The following PTK2 variants were observed in gnomAD, a reference collection of about 807,000 sequenced individuals.
PTK2 encodes the protein protein tyrosine kinase 2.
PTK2 carries 45 observed loss-of-function variants against 150.1 expected under a neutral mutation model. The observed-to-expected ratio is 0.30, with a 90% CI of 0.24 to 0.38. The LOEUF (loss-of-function observed/expected upper bound fraction) is 0.38, where lower values mean the gene tolerates loss of function less well. PTK2 is among the 10% of genes least tolerant of loss of function. PTK2 has a pLI of 1.00. For synonymous variants in PTK2, 432 were observed against 449.2 expected, an observed-to-expected ratio of 0.96 and a Z score of 0.48; for missense variants, 919 against 1,307.3, an observed-to-expected ratio of 0.70 and a Z score of 4.58.
intron 5 of PTK2, among the ~76,000 whole-genome samples, chr8:140,848,223 A>G (rs1331849802): frequency 3.9e-5 from 6 of 152,232 alleles, no homozygotes. Flanking sequence ...GATAAAACAC[A>G]TCAGATGAGC....
At position 140,696,599 on chromosome 8, in the gene PTK2, G is replaced by A. The variant is rs1422605129; in HGVS notation, c.2499+4292C>T. Among the ~76,000 whole-genome samples the A allele has an allele frequency of 5.3e-5, 8 of 152,008 alleles. No homozygotes were observed. In the East Asian group the frequency reaches 5.8e-4, roughly 11 times the overall value. On this transcript the variant is annotated intron_variant, in intron 26 of 31. Coordinates refer to ENST00000522684, the Ensembl canonical transcript of PTK2. ...GAAACCCTGGTGTAGGGAATGTGTC[G>A]TCCTTGAGATGACACAAAAATAATC...
intron 7 of PTK2, among the ~76,000 whole-genome samples, chr8:140,838,986 CA>C: frequency 7.0e-6 from 1 of 143,608 alleles, no homozygotes; most frequent in African/African-American, 2.6e-5. Flanking sequence ...AGCCTGGGCA[CA>C]GAGTGAGACT....
intron 1 of PTK2, among the ~76,000 whole-genome samples, chr8:140,956,365 A>G (rs1371969811): frequency 6.6e-6 from 1 of 152,216 alleles, no homozygotes; most frequent in African/African-American, 2.4e-5. Context: ...CTTGGGGGAA[A>G]TAATACATTA....
chr8:140,716,424 G>C (rs1049633445), intron 23 of PTK2, among the ~76,000 whole-genome samples: 1 of 152,178 alleles, frequency 6.6e-6, no homozygotes. Flanking sequence ...ACAGAGAAAC[G>C]ACAGGTGTTC....
chr8:140,733,794 G>A (rs1464833395), intron 22 of PTK2, among the ~76,000 whole-genome samples: 1 of 152,150 alleles, frequency 6.6e-6, no homozygotes, highest in Admixed American at 6.5e-5. Flanking sequence ...TTGTTCTATG[G>A]GGCCTTGAAA....
chr8:140,883,097 C>G (rs2100150137), intron 3 of PTK2, among the ~76,000 whole-genome samples: 1 of 152,156 alleles, frequency 6.6e-6, no homozygotes, highest in Non-Finnish European at 1.5e-5. Flanking sequence ...CATTTAGCCA[C>G]TTACCTTTTA....
At chr8:140,902,154 C>T (rs2100158743) in intron 2 of PTK2, among the ~76,000 whole-genome samples, 1 of 152,020 alleles carries the variant, frequency 6.6e-6, no homozygotes, top group South Asian at 2.1e-4. Flanking sequence ...CTGCCTCAGC[C>T]TCCTGGGTAG....
At chr8:140,912,043 G>A (rs973563086) in intron 2 of PTK2, among the ~76,000 whole-genome samples, 1 of 151,942 alleles carries the variant, frequency 6.6e-6, no homozygotes, top group Non-Finnish European at 1.5e-5. Context: ...GAACAGCCTA[G>A]GCAACAAAAC....
intron 15 of PTK2, among the ~76,000 whole-genome samples, chr8:140,761,762 G>C (rs1346290325): frequency 6.6e-6 from 1 of 151,986 alleles, no homozygotes; most frequent in Non-Finnish European, 1.5e-5. Context: ...TCCACTTTAT[G>C]ATAATCCTAT....
intron 15 of PTK2, among the ~76,000 whole-genome samples, chr8:140,763,029 G>C (rs1166617876): frequency 6.6e-6 from 1 of 152,142 alleles, no homozygotes; most frequent in Non-Finnish European, 1.5e-5. Context: ...CAATTCTCCT[G>C]CCTCTGTCTC....
chr8:140,908,485 G>A (rs1467514316), intron 2 of PTK2, among the ~76,000 whole-genome samples: 1 of 152,236 alleles, frequency 6.6e-6, no homozygotes. Context: ...TTTATTAGAA[G>A]ATGCCATCTA....
intron 4 of PTK2, chr8:140,879,268 A>G: frequency 4.2e-6 from 2 of 477,956 alleles, no homozygotes; most frequent in Non-Finnish European, 7.0e-6. Flanking sequence ...AGATGGCTCA[A>G]AGTATAATTA....
rs1173694742 is a variant in PTK2 at position 140,659,419 on chromosome 8, G to A, written c.*47C>T. 2.0e-6 allele frequency: 3 copies of A among 1,530,218 alleles called. No homozygotes were observed. In the African/African-American group the frequency reaches 4.1e-5, roughly 21 times the overall value. The allele number at this position is 1,530,218 out of a possible 1,614,324, so 94.8% of individuals were successfully genotyped here. On this transcript the variant is annotated 3_prime_UTR_variant, in exon 32 of 32. Coordinates refer to ENST00000522684, the Ensembl canonical transcript of PTK2. Reference sequence around the variant, plus strand: ...ATTCCTCGCTGCTGGTGGAAGGCTAGAGAACATCTTCAAAAGAGGGTAGCA... The same window carrying A: ...ATTCCTCGCTGCTGGTGGAAGGCTAAAGAACATCTTCAAAAGAGGGTAGCA...
intron 1 of PTK2, among the ~76,000 whole-genome samples, chr8:140,960,114 T>C (rs1587497335): frequency 6.6e-6 from 1 of 151,758 alleles, no homozygotes; most frequent in African/African-American, 2.4e-5. Flanking sequence ...GTATACAGTA[T>C]TTTTTTAAAT....
intron 14 of PTK2, among the ~76,000 whole-genome samples, chr8:140,785,230 G>T (rs2100084264): frequency 6.6e-6 from 1 of 152,192 alleles, no homozygotes; most frequent in Non-Finnish European, 1.5e-5. Flanking sequence ...CCTTTCTGCT[G>T]TCGGTTCCCG....
chr8:140,678,943 T>A (rs1022458783), intron 27 of PTK2, among the ~76,000 whole-genome samples: 2 of 150,720 alleles, frequency 1.3e-5, no homozygotes. Context: ...AAAAAATTTT[T>A]AAATTTATGT....
chr8:140,763,558 G>A (rs1403328954), intron 15 of PTK2, among the ~76,000 whole-genome samples: 1 of 151,650 alleles, frequency 6.6e-6, no homozygotes, highest in Non-Finnish European at 1.5e-5. Flanking sequence ...TCTAATTCAA[G>A]ATCTGGAGAC....
chr8:140,697,795 T>G (rs1266343171), intron 26 of PTK2, among the ~76,000 whole-genome samples: 1 of 151,900 alleles, frequency 6.6e-6, no homozygotes, highest in Non-Finnish European at 1.5e-5. Context: ...TTAGACATTT[T>G]AGATAATATA....
At chr8:140,862,113 A>C (rs571269052) in intron 5 of PTK2, among the ~76,000 whole-genome samples, 3 of 152,368 alleles carry the variant, frequency 2.0e-5, no homozygotes, top group African/African-American at 7.2e-5. Context: ...AGTGTGAACT[A>C]GGAACAAAAA....
Sources: allele counts gnomAD v4.1 joint callset (sites outside exome capture counted in the v4.1 genomes callset), GRCh38; gene constraint gnomAD v4.1.1; transcripts MANE v1.5; gene names NCBI Gene and HGNC (gene_info 2026-07-23, HGNC 2026-07-21).